The following GRID2 variants were observed in gnomAD, a reference collection of about 807,000 sequenced individuals.
GRID2 encodes the protein glutamate ionotropic receptor delta type subunit 2, also known as glutamate receptor ionotropic, delta-2.
A neutral mutation model predicts 114.8 loss-of-function variants in GRID2; 33 were observed. That is an observed-to-expected ratio of 0.29 (90% CI 0.22 to 0.38). GRID2 has a LOEUF of 0.38. GRID2 is among the 10% of genes least tolerant of loss of function. The probability of loss-of-function intolerance (pLI) is 1.00; values close to 1 mark genes in which losing one functional copy is unlikely to be tolerated. For synonymous variants in GRID2, 505 were observed against 449.9 expected, an observed-to-expected ratio of 1.12 and a Z score of -1.55; for missense variants, 1,184 against 1,257.7, an observed-to-expected ratio of 0.94 and a Z score of 0.89.
intron 1 of GRID2, among the ~76,000 whole-genome samples, chr4:92,517,469 T>A (rs1399547300): frequency 2.0e-5 from 3 of 151,930 alleles, no homozygotes; most frequent in Non-Finnish European, 4.4e-5. Context: ...CTTCTCATAT[T>A]TTAGATATTA....
chr4:93,748,002 T>G (rs772870029), intron 14 of GRID2, among the ~76,000 whole-genome samples: 12 of 152,136 alleles, frequency 7.9e-5, no homozygotes, highest in Non-Finnish European at 1.2e-4. Context: ...GTTTCTAGAT[T>G]AATAAATGCC....
At chr4:92,658,391 G>A (rs1732349849) in intron 2 of GRID2, among the ~76,000 whole-genome samples, 1 of 151,728 alleles carries the variant, frequency 6.6e-6, no homozygotes, top group African/African-American at 2.4e-5. Context: ...GAGAAAGTGA[G>A]TGTGTCTACT....
In GRID2 at chr4:93,281,448, C is replaced by T. The variant is rs114954222; in HGVS notation, c.1245+42958C>T. Reference sequence around the variant, plus strand: ...GGAATGATGGGCCATTTTAAAATGTCGACTTTAAGCGACATGTTGAGGCAT... The same window carrying T: ...GGAATGATGGGCCATTTTAAAATGTTGACTTTAAGCGACATGTTGAGGCAT... On this transcript the variant is annotated intron_variant, in intron 8 of 15. Coordinates refer to ENST00000282020, the MANE Select transcript of GRID2 (RefSeq NM_001510.4). 8.7e-3 allele frequency among the ~76,000 whole-genome samples: 1,316 copies of T among 151,784 alleles called. 7 individuals are homozygous for T. Among genetic ancestry groups the T allele is most frequent in the South Asian group, 0.043 (208 of 4,794 alleles).
intron 2 of GRID2, among the ~76,000 whole-genome samples, chr4:93,025,625 A>C (rs1723811947): frequency 6.6e-6 from 1 of 151,866 alleles, no homozygotes; most frequent in Middle Eastern, 3.4e-3. Context: ...ATAATATTTA[A>C]AAATTATACT....
intron 13 of GRID2, among the ~76,000 whole-genome samples, chr4:93,621,887 T>C (rs1386772227): frequency 6.6e-6 from 1 of 152,044 alleles, no homozygotes; most frequent in Admixed American, 6.6e-5. Context: ...AGAGACAGCA[T>C]ATATAATGGC....
chr4:92,915,017 T>C (rs1748674033), intron 2 of GRID2, among the ~76,000 whole-genome samples: 1 of 152,168 alleles, frequency 6.6e-6, no homozygotes, highest in South Asian at 2.1e-4. Context: ...CAGTCCAGCA[T>C]GGCTGAAGAG....
intron 2 of GRID2, among the ~76,000 whole-genome samples, chr4:93,035,333 T>A (rs1017336641): frequency 1.3e-5 from 2 of 152,096 alleles, no homozygotes; most frequent in African/African-American, 4.8e-5. Flanking sequence ...AGGATGGTCT[T>A]GAGCTCCTTG....
chr4:93,060,017 AT>A (rs1010348243), intron 2 of GRID2, among the ~76,000 whole-genome samples: 4 of 151,558 alleles, frequency 2.6e-5, no homozygotes, highest in African/African-American at 9.7e-5. Context: ...TTTCTCAGAG[AT>A]TTTTTTTGTC....
At chr4:92,917,128 T>G (rs903844282) in intron 2 of GRID2, among the ~76,000 whole-genome samples, 1 of 152,238 alleles carries the variant, frequency 6.6e-6, no homozygotes, top group Non-Finnish European at 1.5e-5. Flanking sequence ...GAGCATTTTT[T>G]CATGTGTCTT....
At chr4:92,436,869 ATATT>A (rs1392484535) in intron 1 of GRID2, among the ~76,000 whole-genome samples, 1 of 152,172 alleles carries the variant, frequency 6.6e-6, no homozygotes, top group African/African-American at 2.4e-5. Context: ...AATAAGTGGC[ATATT>A]TATTTAAAAT....
intron 2 of GRID2, among the ~76,000 whole-genome samples, chr4:92,871,249 C>CT (rs879772086): frequency 3.5e-4 from 50 of 144,322 alleles, no homozygotes; most frequent in East Asian, 6.1e-4. Flanking sequence ...GTTTTATTTA[C>CT]TTTTTTTTTT....
At chr4:93,304,450 T>C (rs1220393241) in intron 8 of GRID2, among the ~76,000 whole-genome samples, 1 of 151,840 alleles carries the variant, frequency 6.6e-6, no homozygotes, top group Non-Finnish European at 1.5e-5. Flanking sequence ...TTAGGAAAAG[T>C]ATGGCTTCTC....
intron 2 of GRID2, among the ~76,000 whole-genome samples, chr4:92,774,655 G>A (rs1738702009): frequency 6.8e-6 from 1 of 148,052 alleles, no homozygotes; most frequent in African/African-American, 2.5e-5. Context: ...TGGTGCAGTG[G>A]TGCAATCATG....
At chr4:93,055,521 A>AAACAAC (rs768197501) in intron 2 of GRID2, among the ~76,000 whole-genome samples, 24 of 151,954 alleles carry the variant, frequency 1.6e-4, no homozygotes, top group African/African-American at 3.4e-4. Flanking sequence ...AAGTATAATT[A>AAACAAC]AACAACAACA....
At chr4:93,294,891 C>A (rs766378257) in intron 8 of GRID2, among the ~76,000 whole-genome samples, 1 of 151,908 alleles carries the variant, frequency 6.6e-6, no homozygotes, top group African/African-American at 2.4e-5. Flanking sequence ...AGAAAGTGTC[C>A]CTGTTTGTGA....
intron 2 of GRID2, among the ~76,000 whole-genome samples, chr4:92,604,477 G>C (rs1266799125): frequency 6.6e-6 from 1 of 152,040 alleles, no homozygotes; most frequent in Non-Finnish European, 1.5e-5. Context: ...TTATAAGTGG[G>C]AGCTGAACAA....
intron 14 of GRID2, among the ~76,000 whole-genome samples, chr4:93,737,688 C>A (rs1244155481): frequency 6.6e-6 from 1 of 152,066 alleles, no homozygotes; most frequent in Non-Finnish European, 1.5e-5. Context: ...CCCACATTGA[C>A]CCTCATATCG....
chr4:93,056,251 A>T (rs1727231150), intron 2 of GRID2, among the ~76,000 whole-genome samples: 1 of 151,992 alleles, frequency 6.6e-6, no homozygotes, highest in Non-Finnish European at 1.5e-5. Context: ...TCAGATCTGC[A>T]CATTGATTGT....
chr4:92,698,196 A>T (rs1293227294), intron 2 of GRID2, among the ~76,000 whole-genome samples: 1 of 152,162 alleles, frequency 6.6e-6, no homozygotes, highest in African/African-American at 2.4e-5. Flanking sequence ...CAAGCAGAGT[A>T]ACGAGTGCCA....
Sources: gnomAD v4.1 joint callset for allele counts (sites outside exome capture counted in the v4.1 genomes callset) on GRCh38, gnomAD v4.1.1 for gene constraint, MANE v1.5 for transcripts, NCBI Gene and HGNC (gene_info 2026-07-23, HGNC 2026-07-21) for gene names.